Variants in PRKAR1B observed in about 807,000 individuals in gnomAD.
PRKAR1B encodes the protein protein kinase cAMP-dependent type I regulatory subunit beta.
Under a neutral mutation model 46.5 loss-of-function variants are expected in PRKAR1B, and 22 were observed. The observed-to-expected ratio is 0.47, with a 90% CI of 0.34 to 0.68. PRKAR1B has a LOEUF of 0.68. PRKAR1B is among the 30% of genes least tolerant of loss of function. The probability of loss-of-function intolerance (pLI) is 0.01; values close to 1 mark genes in which losing one functional copy is unlikely to be tolerated. For missense variants in PRKAR1B, 445 were observed against 535.6 expected, an observed-to-expected ratio of 0.83 and a Z score of 1.67; for synonymous variants, 259 against 217.7, an observed-to-expected ratio of 1.19 and a Z score of -1.67.
intron 4 of PRKAR1B, among the ~76,000 whole-genome samples, chr7:614,419 T>G (rs1226493952): frequency 6.6e-6 from 1 of 152,104 alleles, no homozygotes; most frequent in African/African-American, 2.4e-5. Flanking sequence ...CAGGCCCCAT[T>G]ACTGCCCCAC....
intron 4 of PRKAR1B, among the ~76,000 whole-genome samples, chr7:670,266 T>G (rs1223868095): frequency 6.6e-6 from 1 of 152,130 alleles, no homozygotes; most frequent in African/African-American, 2.4e-5. Flanking sequence ...GAAACCCCAC[T>G]TCATATTCCT....
intron 7 of PRKAR1B, among the ~76,000 whole-genome samples, chr7:588,558 G>T (rs1465930838): frequency 7.4e-5 from 10 of 135,014 alleles, no homozygotes; most frequent in Admixed American, 3.6e-4. Context: ...GGTGGTGATG[G>T]TGGTGATGTT....
chr7:588,447 A>ATCACGATGATGGTGGTGATGG (rs1562541409), intron 7 of PRKAR1B, among the ~76,000 whole-genome samples: 1 of 114,782 alleles, frequency 8.7e-6, no homozygotes, highest in African/African-American at 3.5e-5. Context: ...GACAGTGGTG[A>ATCACGATGATGGTGGTGATGG]TGGTGATGGT....
Position 685,398 on chromosome 7 carries a change from A to ATATATG in PRKAR1B, c.178-4673_178-4672insCATATA, listed in dbSNP as rs1554303303. Among the ~76,000 whole-genome samples the ATATATG allele has an allele frequency of 3.2e-5, 4 of 124,450 alleles. 1 individual carries two copies. Among genetic ancestry groups the ATATATG allele is most frequent in the African/African-American group, 1.0e-4 (3 of 30,094 alleles). The allele number at this position is 124,450 out of a possible 152,430, so 81.6% of individuals were successfully genotyped here. A position where few individuals can be genotyped will look rare whatever the true frequency, so the allele number is the denominator to read the frequency against. On this transcript the variant is annotated intron_variant, in intron 2 of 10. Coordinates refer to ENST00000537384, the MANE Select transcript of PRKAR1B (RefSeq NM_001164760.2). ...TATATATACATACATATATATATAT[A>ATATATG]TATGTATATATATACCAAAAACATT...
chr7:576,055 G>A (rs1307364121), intron 9 of PRKAR1B, among the ~76,000 whole-genome samples: 3 of 150,846 alleles, frequency 2.0e-5, no homozygotes, highest in Non-Finnish European at 4.4e-5. Context: ...ACGGGCAAAT[G>A]TGCACACAGG....
At chr7:663,023 A>C (rs1785700820) in intron 4 of PRKAR1B, among the ~76,000 whole-genome samples, 1 of 152,182 alleles carries the variant, frequency 6.6e-6, no homozygotes, top group African/African-American at 2.4e-5. Flanking sequence ...GTCCTGAAAG[A>C]GGCCCCAAGA....
At chr7:583,463 A>G (rs1389415141) in intron 8 of PRKAR1B, among the ~76,000 whole-genome samples, 1 of 143,248 alleles carries the variant, frequency 7.0e-6, no homozygotes, top group African/African-American at 2.6e-5. Context: ...CCACTCACAC[A>G]CGTGCACTCA....
chr7:685,731 G>A (rs184264323), intron 2 of PRKAR1B, among the ~76,000 whole-genome samples: 2 of 151,860 alleles, frequency 1.3e-5, no homozygotes, highest in Admixed American at 1.3e-4. Context: ...ACATTCTGAA[G>A]GAAACTTCCT....
intron 2 of PRKAR1B, among the ~76,000 whole-genome samples, chr7:706,585 A>AT (rs754034242): frequency 0.32 from 35,821 of 113,710 alleles, 6,141 homozygotes; most frequent in South Asian, 0.5. Context: ...TGCCCAGCTA[A>AT]TTTTTTTTTT....
At chr7:592,327 A>G (rs1781023970) in intron 7 of PRKAR1B, among the ~76,000 whole-genome samples, 1 of 152,238 alleles carries the variant, frequency 6.6e-6, no homozygotes, top group South Asian at 2.1e-4. Flanking sequence ...CCTCGAGGCT[A>G]CAAGTGACAA....
intron 4 of PRKAR1B, among the ~76,000 whole-genome samples, chr7:669,804 A>G (rs75885467): frequency 6.6e-6 from 1 of 151,432 alleles, no homozygotes; most frequent in African/African-American, 2.4e-5. Context: ...TTTATGTGAT[A>G]TATATTTGCC....
chr7:641,814 T>C (rs912961498), intron 4 of PRKAR1B, among the ~76,000 whole-genome samples: 9 of 152,224 alleles, frequency 5.9e-5, no homozygotes, highest in African/African-American at 2.2e-4. Context: ...ACTCCATTTA[T>C]TTATGTATTT....
At chr7:623,030 A>T (rs1428892917) in intron 4 of PRKAR1B, among the ~76,000 whole-genome samples, 1 of 152,206 alleles carries the variant, frequency 6.6e-6, no homozygotes, top group Non-Finnish European at 1.5e-5. Flanking sequence ...GGGTGCTGGC[A>T]TCACGGTCCT....
chr7:660,963 T>A (rs1410234834), intron 4 of PRKAR1B, among the ~76,000 whole-genome samples: 2 of 28,210 alleles, frequency 7.1e-5, no homozygotes, highest in East Asian at 1.1e-3. Context: ...ACTCTTCCCC[T>A]CCATGGCACA....
At chr7:634,643 G>T (rs1407008774) in intron 4 of PRKAR1B, among the ~76,000 whole-genome samples, 3 of 142,754 alleles carry the variant, frequency 2.1e-5, no homozygotes, top group South Asian at 2.2e-4. Context: ...GCAACTTACT[G>T]TTTTTTTTTT....
At chr7:606,161 C>A in intron 6 of PRKAR1B, 32 bp downstream of exon 6, 1 of 1,612,550 alleles carries the variant, frequency 6.2e-7, no homozygotes, top group Non-Finnish European at 8.5e-7. Context: ...CAAAGACGCG[C>A]TATTTTCCAA....
intron 1 of PRKAR1B, chr7:716,975 GC>G (rs1393326573): frequency 6.6e-6 from 1 of 152,222 alleles, no homozygotes; most frequent in Non-Finnish European, 1.5e-5. Flanking sequence ...CATAGTAGGA[GC>G]CCAAGAACCG....
intron 9 of PRKAR1B, among the ~76,000 whole-genome samples, chr7:558,878 C>T (rs984922968): frequency 4.6e-5 from 7 of 152,218 alleles, no homozygotes; most frequent in African/African-American, 1.2e-4. Context: ...TCCAACGCTT[C>T]GGCTCAGAGG....
intron 2 of PRKAR1B, among the ~76,000 whole-genome samples, chr7:681,153 GT>G (rs1778660394): frequency 6.6e-6 from 1 of 151,950 alleles, no homozygotes; most frequent in Non-Finnish European, 1.5e-5. Context: ...CTGCTGCCTT[GT>G]GAAGAAGCGG....
Sources: allele counts gnomAD v4.1 joint callset (sites outside exome capture counted in the v4.1 genomes callset), GRCh38; gene constraint gnomAD v4.1.1; transcripts MANE v1.5; gene names NCBI Gene and HGNC (gene_info 2026-07-23, HGNC 2026-07-21).